Variants in DYRK2 observed in about 807,000 individuals in gnomAD.
DYRK2 encodes dual specificity tyrosine-phosphorylation-regulated kinase 2.
A neutral mutation model predicts 41.6 loss-of-function variants in DYRK2; 12 were observed. The observed-to-expected ratio is 0.29, with a 90% CI of 0.18 to 0.47. DYRK2 has a LOEUF of 0.47. DYRK2 is among the 20% of genes least tolerant of loss of function. The probability of loss-of-function intolerance (pLI) is 1.00; values close to 1 mark genes in which losing one functional copy is unlikely to be tolerated. For missense variants in DYRK2, 678 were observed against 798.4 expected, an observed-to-expected ratio of 0.85 and a Z score of 1.82; for synonymous variants, 322 against 315.7, an observed-to-expected ratio of 1.02 and a Z score of -0.21.
In DYRK2 at chr12:67,657,440, A is replaced by G; in HGVS notation, c.533A>G (p.Tyr178Cys). 4 of 1,614,178 alleles carry G rather than the reference A, an allele frequency of 2.5e-6. No homozygotes were observed. The highest frequency in any genetic ancestry group is 3.4e-6 in the Non-Finnish European group (4 of 1,180,028). ...TTCGAACACCATGAGATTTTCAGCT[A>G]CCCTGAAATATATTTCTTGGGTCTA... ...TAFEHHEIFS[Y>C]PEIYFLGLNA... is the part of the protein sequence containing the mutation. Residue 178 changes from tyrosine to cysteine, a missense_variant, in exon 3 of 3, where the codon TAC (tyrosine) becomes TGC (cysteine). By Grantham distance (194) the Tyr-to-Cys change is radical (BLOSUM62 -2). Coordinates refer to ENST00000344096, the MANE Select transcript of DYRK2 (RefSeq NM_006482.3). The surrounding 1 kb of genome is among the most constrained non-coding windows in gnomAD (Gnocchi z 4.8).
intron 2 of DYRK2, among the ~76,000 whole-genome samples, chr12:67,654,012 T>C (rs1230911394): frequency 6.6e-6 from 1 of 152,238 alleles, no homozygotes; most frequent in African/African-American, 2.4e-5. Context: ...CATATTACCT[T>C]ATTTAATCCC....
In DYRK2 at chr12:67,662,579, G is replaced by A. The variant is rs1469555433; in HGVS notation, c.*3866G>A. 1 of 166,776 alleles carries A rather than the reference G, an allele frequency of 6.0e-6. No homozygotes were observed. The highest frequency in any genetic ancestry group is 6.5e-5 in the Admixed American group (1 of 15,270). 10.3% of individuals were successfully genotyped at this position (166,776 alleles called of 1,614,324 possible). On this transcript the variant is annotated 3_prime_UTR_variant, in exon 3 of 3. Transcript: ENST00000344096. ...GTATGTATTATACAGCTGATGACAG[G>A]AGTAAGACTGTTTAGTGAATATCTG... is the stretch of plus-strand genomic sequence containing the variant.
rs1872585527 is a variant in DYRK2, at chr12:67,660,210, A to G, written c.*1497A>G. 6.0e-6 allele frequency: 1 copy of G among 167,080 alleles called. No individual in the cohort carries two copies. The allele number at this position is 167,080 out of a possible 1,614,324, so 10.3% of individuals were successfully genotyped here. On this transcript the variant is annotated 3_prime_UTR_variant, in exon 3 of 3. Coordinates refer to ENST00000344096, the MANE Select transcript of DYRK2 (RefSeq NM_006482.3). ...CCTGTTTGGACAATAGGTTTTGGGT[A>G]GTACAGATTAGGATAAGTAAGCTTA... is the stretch of plus-strand genomic sequence containing the variant.
At chr12:67,653,761 A>G (rs756990061) in intron 2 of DYRK2, among the ~76,000 whole-genome samples, 35 of 152,224 alleles carry the variant, frequency 2.3e-4, no homozygotes, top group Non-Finnish European at 4.3e-4. Context: ...TCCATCCCAA[A>G]GATATTTATT....
At position 67,662,562 on chromosome 12, in the gene DYRK2, T is replaced by C. The variant is rs1449285246; in HGVS notation, c.*3849T>C. 6.0e-6 allele frequency: 1 copy of C among 166,904 alleles called. No homozygotes were observed. The highest frequency in any genetic ancestry group is 1.9e-4 in the East Asian group (1 of 5,206). The allele number at this position is 166,904 out of a possible 1,614,324, so 10.3% of individuals were successfully genotyped here. A position where few individuals can be genotyped will look rare whatever the true frequency, so the allele number is the denominator to read the frequency against. ...GCCAGTTCTATGATACTGTATGTAT[T>C]ATACAGCTGATGACAGGAGTAAGAC... On this transcript the variant is annotated 3_prime_UTR_variant, in exon 3 of 3. Transcript: ENST00000344096.
chr12:67,657,443 C>G lies in DYRK2; in HGVS notation c.536C>G (p.Pro179Arg), dbSNP rs1478650310. The change falls in exon 3 of 3, where the codon CCT becomes CGT. Residue 179 changes from proline (P) to arginine (R), a missense_variant. Transcript: ENST00000344096. The surrounding 1 kb of genome is among the most constrained non-coding windows in gnomAD (Gnocchi z 4.8). ...AFEHHEIFSY[P>R]EIYFLGLNAK... is the part of the protein sequence containing the mutation. ...GAACACCATGAGATTTTCAGCTACC[C>G]TGAAATATATTTCTTGGGTCTAAAT... 2 of 1,614,064 alleles carry G rather than the reference C, an allele frequency of 1.2e-6. No homozygotes were observed. The highest frequency in any genetic ancestry group is 3.3e-5 in the Admixed American group (2 of 60,008).
rs1872702488 is a variant in DYRK2 at position 67,664,622 on chromosome 12, G to A, written c.*5909G>A. The A allele has an allele frequency of 6.6e-6, 1 of 152,104 alleles. No homozygotes were observed. The highest frequency in any genetic ancestry group is 1.5e-5 in the Non-Finnish European group (1 of 68,006). The allele number at this position is 152,104 out of a possible 1,614,324, so 9.4% of individuals were successfully genotyped here. A position where few individuals can be genotyped will look rare whatever the true frequency, so the allele number is the denominator to read the frequency against. On this transcript the variant is annotated 3_prime_UTR_variant, in exon 3 of 3. Transcript: ENST00000344096. Reference sequence around the variant, plus strand: ...CTTAGGTTGTAATCAGGTAATTTTGGTCTTGGACAGTAAGGGAAAATCCAT... The same window carrying A: ...CTTAGGTTGTAATCAGGTAATTTTGATCTTGGACAGTAAGGGAAAATCCAT...
At chr12:67,654,268 A>G (rs768477615) in intron 2 of DYRK2, among the ~76,000 whole-genome samples, 1 of 152,210 alleles carries the variant, frequency 6.6e-6, no homozygotes, top group Non-Finnish European at 1.5e-5. Context: ...TGGAGAGAAG[A>G]GTGACAGTAG....
rs1184444319 is a variant in DYRK2, at chr12:67,648,820, A to C, written c.-314A>C. The C allele has an allele frequency of 5.0e-5, 9 of 179,198 alleles. No homozygotes were observed. Among genetic ancestry groups the C allele is most frequent in the East Asian group, 1.4e-4 (1 of 7,172 alleles). The allele number at this position is 179,198 out of a possible 1,614,324, so 11.1% of individuals were successfully genotyped here. ...AGCGCTTCCAGCTCCCCGCGCCCCT[A>C]TGTGAGGGAGACGGGGAGGCCCGCG... On this transcript the variant is annotated 5_prime_UTR_variant, in exon 1 of 3. An upstream start codon of the reference 5' UTR is lost. Coordinates refer to ENST00000344096, the MANE Select transcript of DYRK2 (RefSeq NM_006482.3).
In DYRK2 at chr12:67,664,018, T is replaced by G. The variant is rs891349020; in HGVS notation, c.*5305T>G. Reference sequence around the variant, plus strand: ...GATTTGAGGAAGGTATATGTGGCTTTCTTTTTTTTTCTTAAGTTTGAATTA... The same window carrying G: ...GATTTGAGGAAGGTATATGTGGCTTGCTTTTTTTTTCTTAAGTTTGAATTA... On this transcript the variant is annotated 3_prime_UTR_variant, in exon 3 of 3. Transcript: ENST00000344096. 7 of 101,808 alleles carry G rather than the reference T, an allele frequency of 6.9e-5. No individual in the cohort carries two copies. The highest frequency in any genetic ancestry group is 5.1e-4 in the Admixed American group (5 of 9,724). The allele number at this position is 101,808 out of a possible 1,614,324, so 6.3% of individuals were successfully genotyped here.
intron 2 of DYRK2, among the ~76,000 whole-genome samples, chr12:67,652,900 G>C (rs1004008983): frequency 2.0e-5 from 3 of 152,156 alleles, no homozygotes; most frequent in African/African-American, 7.2e-5. Flanking sequence ...CTCCATCTCG[G>C]CTCACTGCAA....
At chr12:67,650,286 ATC>A (rs1231675048) in intron 2 of DYRK2, among the ~76,000 whole-genome samples, 1 of 152,030 alleles carries the variant, frequency 6.6e-6, no homozygotes, top group African/African-American at 2.4e-5. Context: ...CCCGGTAAAC[ATC>A]TCTGTCCTTC....
intron 2 of DYRK2, among the ~76,000 whole-genome samples, chr12:67,650,379 C>A (rs1436443602): frequency 6.6e-6 from 1 of 152,232 alleles, no homozygotes; most frequent in Non-Finnish European, 1.5e-5. Flanking sequence ...CCCGGAAAAT[C>A]GATCCCCCAA....
rs1007279620 is a variant in DYRK2, at chr12:67,662,051, A to G, written c.*3338A>G. The stretch of plus-strand genomic sequence containing the variant: ...AATGACTCCATCAGAATGTTAGAAA[A>G]CACTTTAGGCATCAGTAGCATTGGG... On this transcript the variant is annotated 3_prime_UTR_variant, in exon 3 of 3. Transcript: ENST00000344096. 1 of 166,402 alleles carries G rather than the reference A, an allele frequency of 6.0e-6. No individual in the cohort carries two copies. Among genetic ancestry groups the G allele is most frequent in the Non-Finnish European group, 1.5e-5 (1 of 68,074 alleles). The allele number at this position is 166,402 out of a possible 1,614,324, so 10.3% of individuals were successfully genotyped here.
At position 67,657,123 on chromosome 12, in the gene DYRK2, C is replaced by T; in HGVS notation, c.216C>T (p.His72=). The T allele has an allele frequency of 6.4e-7, 1 of 1,567,026 alleles. No individual in the cohort carries two copies. Among genetic ancestry groups the T allele is most frequent in the Non-Finnish European group, 8.6e-7 (1 of 1,156,768 alleles). ...AATTCCAGATTGGCGGCAGTAAGCA[C>T]ACAATGAATGATCACCTGCATGTCG... The part of the protein sequence containing the change: ...AAAHTIGGSK[H]TMNDHLHVGS... The change falls in exon 3 of 3, where the codon CAC becomes CAT. Residue 72 remains histidine, a synonymous_variant. Coordinates refer to ENST00000344096, the MANE Select transcript of DYRK2 (RefSeq NM_006482.3). The surrounding 1 kb of genome is among the most constrained non-coding windows in gnomAD (Gnocchi z 4.8).
intron 2 of DYRK2, 21 bp downstream of exon 2, chr12:67,649,966 G>T: frequency 7.5e-7 from 1 of 1,325,046 alleles, no homozygotes; most frequent in Non-Finnish European, 9.6e-7. Context: ...GCCCGCGGGC[G>T]GCCCGGGCGG....
chr12:67,658,702 C>T lies in DYRK2; in HGVS notation c.1795C>T (p.Leu599Phe). The T allele has an allele frequency of 6.2e-7, 1 of 1,604,928 alleles. No individual in the cohort carries two copies. ...NIQQRTVLPK[L>F]VS is the part of the protein sequence containing the mutation. ...TCAGCAGAGGACAGTGTTGCCAAAA[C>T]TTGTTAGCTGAGCTCACGTCCCCTG... Residue 599 changes from leucine to phenylalanine, a missense_variant, in exon 3 of 3, where the codon CTT (leucine) becomes TTT (phenylalanine). Physicochemically the swap from Leu to Phe is conservative, Grantham distance 22. Around this residue, in one of 2 missense-constraint regions of DYRK2, gnomAD observed 393 missense variants for 519.1 expected, o/e 0.76. Transcript: ENST00000344096. This position sits in a 1 kb window ranked among gnomAD's most constrained non-coding sequence, Gnocchi z 4.3.
rs1469858865 is a variant in DYRK2, at chr12:67,649,014, C to G, written c.-120C>G. On this transcript the variant is annotated 5_prime_UTR_variant, in exon 1 of 3. Coordinates refer to ENST00000344096, the MANE Select transcript of DYRK2 (RefSeq NM_006482.3). ...GGCTGTAGCAGACGCGAGGCGGCGA[C>G]GAGGCGCCGGGGACCCGCGCGAGGG... 2.5e-6 allele frequency: 2 copies of G among 814,784 alleles called. No homozygotes were observed. Among genetic ancestry groups the G allele is most frequent in the Non-Finnish European group, 3.4e-6 (2 of 580,700 alleles). The allele number at this position is 814,784 out of a possible 1,614,324, so 50.5% of individuals were successfully genotyped here. A position where few individuals can be genotyped will look rare whatever the true frequency, so the allele number is the denominator to read the frequency against.
intron 1 of DYRK2, 123 bp downstream of exon 1, chr12:67,649,305 C>A: frequency 2.6e-6 from 2 of 779,740 alleles, no homozygotes; most frequent in Non-Finnish European, 3.4e-6. Context: ...CGCGGGGGAG[C>A]CCCCGGGCGG....
Sources: gnomAD v4.1 joint callset for allele counts (sites outside exome capture counted in the v4.1 genomes callset) on GRCh38, gnomAD v4.1.1 for gene constraint, gnomAD v4.1.1 regional missense constraint, Gnocchi (gnomAD v3.1) non-coding constraint, MANE v1.5 for transcripts, NCBI Gene and HGNC (gene_info 2026-07-23, HGNC 2026-07-21) for gene names.